Variants in NWD1 observed in about 807,000 individuals in gnomAD.
NWD1 encodes the protein NACHT domain- and WD repeat-containing protein 1.
In NWD1, 129 loss-of-function variants were observed where a neutral mutation model predicts 135.1. The observed-to-expected ratio is 0.96, with a 90% CI of 0.83 to 1.11. The LOEUF (loss-of-function observed/expected upper bound fraction) is 1.11. Among genes scored for constraint, NWD1 ranks in the 50% least tolerant of loss-of-function variants. NWD1 has a pLI of 0.00. For synonymous variants in NWD1, 773 were observed against 786.0 expected (o/e 0.98, Z 0.28); for missense variants, 1,740 against 1,851.3 (o/e 0.94, Z 1.10).
In NWD1 at chr19:16,786,155, G is replaced by A. The variant is rs1179732546; in HGVS notation, c.2732-2827G>A. Among the ~76,000 whole-genome samples the A allele has an allele frequency of 2.6e-5, 4 of 151,554 alleles. No individual in the cohort carries two copies. In the East Asian group the frequency reaches 5.8e-4, roughly 22 times the overall value. On this transcript the variant is annotated intron_variant, in intron 12 of 18. Transcript: ENST00000524140. Reference sequence around the variant, plus strand: ...GTTGGGTTTACAGGCGTGAGCCACTGTGCCAGCCTATTTTTATTATTTTTA... The same window carrying A: ...GTTGGGTTTACAGGCGTGAGCCACTATGCCAGCCTATTTTTATTATTTTTA...
chr19:16,737,701 T>C (rs1328215030), intron 4 of NWD1, among the ~76,000 whole-genome samples: 2 of 151,438 alleles, frequency 1.3e-5, no homozygotes, highest in Non-Finnish European at 2.9e-5. Flanking sequence ...GGGCCGGGCG[T>C]GGTGGCTCAC....
chr19:16,730,578 G>A (rs1967518363), intron 2 of NWD1, among the ~76,000 whole-genome samples: 1 of 152,082 alleles, frequency 6.6e-6, no homozygotes, highest in Non-Finnish European at 1.5e-5. Flanking sequence ...ATATATGGCT[G>A]TGGTGGTGCC....
At chr19:16,751,481 AAAGG>A (rs199892003) in intron 6 of NWD1, among the ~76,000 whole-genome samples, 3,292 of 150,774 alleles carry the variant, frequency 0.022, 107 homozygotes, top group African/African-American at 0.071. Context: ...AAAGAAAGAG[AAAGG>A]AAGGAAGGAA....
intron 4 of NWD1, chr19:16,738,162 G>A: frequency 2.3e-6 from 1 of 437,838 alleles, no homozygotes; most frequent in Admixed American, 2.5e-5. Context: ...GCAGAGTTTA[G>A]TCGTTCTGAC....
chr19:16,797,851 C>G lies in NWD1; in HGVS notation c.3424C>G (p.Leu1142Val), dbSNP rs1024063287. 1.2e-6 allele frequency: 2 copies of G among 1,613,970 alleles called. No individual in the cohort carries two copies. Among genetic ancestry groups the G allele is most frequent in the African/African-American group, 1.3e-5 (1 of 74,916 alleles). Residue 1142 changes from leucine (L) to valine (V), a missense_variant, in exon 16 of 19, where the codon CTG (leucine) becomes GTG (valine). Coordinates refer to ENST00000524140, the MANE Select transcript of NWD1 (RefSeq NM_001007525.5). The part of the protein sequence containing the change: ...ETAVFGTENN[L>V]IITGSLDALI... ...GGCTGTTTTTGGTACTGAGAACAAC[C>G]TGATCATCACGGGGTCCCTTGATGC...
intron 15 of NWD1, among the ~76,000 whole-genome samples, chr19:16,796,886 G>C (rs1292227597): frequency 6.6e-6 from 1 of 152,038 alleles, no homozygotes; most frequent in Non-Finnish European, 1.5e-5. Flanking sequence ...TCCTTAAGAT[G>C]AGTGATTACT....
intron 4 of NWD1, among the ~76,000 whole-genome samples, chr19:16,739,833 C>T (rs1050943730): frequency 1.3e-5 from 2 of 152,156 alleles, no homozygotes; most frequent in Non-Finnish European, 2.9e-5. Flanking sequence ...GAGAGTTGTT[C>T]CTGGTGGGAA....
chr19:16,751,727 G>A (rs1417259934), intron 6 of NWD1, among the ~76,000 whole-genome samples: 4 of 151,386 alleles, frequency 2.6e-5, no homozygotes, highest in African/African-American at 9.7e-5. Flanking sequence ...CTTGAACCCG[G>A]GAGGCAGAGG....
intron 13 of NWD1, 28 bp downstream of exon 13, chr19:16,789,218 G>A (rs1970161537): frequency 1.9e-6 from 3 of 1,562,390 alleles, no homozygotes; most frequent in Non-Finnish European, 2.6e-6. Context: ...TGTTTGTAAA[G>A]GAAAGCTGAG....
chr19:16,786,278 G>T (rs1025352035), intron 12 of NWD1, among the ~76,000 whole-genome samples: 8 of 152,026 alleles, frequency 5.3e-5, no homozygotes, highest in African/African-American at 1.9e-4. Flanking sequence ...AAAGTGCTGG[G>T]ATTACAGGTG....
chr19:16,738,554 C>T (rs796692944), intron 4 of NWD1, among the ~76,000 whole-genome samples: 15 of 124,306 alleles, frequency 1.2e-4, no homozygotes, highest in African/African-American at 3.0e-4. Context: ...GCGCAACAGA[C>T]GGAGACTCTG....
chr19:16,813,165 T>C (rs966355014), intron 18 of NWD1, among the ~76,000 whole-genome samples: 3 of 152,036 alleles, frequency 2.0e-5, no homozygotes, highest in African/African-American at 7.3e-5. Flanking sequence ...TGGGGTGGTA[T>C]GGATGGAGTT....
At chr19:16,780,575 G>A (rs756780862) in intron 12 of NWD1, among the ~76,000 whole-genome samples, 3 of 152,214 alleles carry the variant, frequency 2.0e-5, no homozygotes, top group Non-Finnish European at 4.4e-5. Context: ...GAGCAGTCCA[G>A]TAGGGAAATA....
At chr19:16,785,249 C>T (rs773578230) in intron 12 of NWD1, among the ~76,000 whole-genome samples, 2 of 152,212 alleles carry the variant, frequency 1.3e-5, no homozygotes, top group East Asian at 1.9e-4. Flanking sequence ...CGGTGGCTCA[C>T]GCATGTAATC....
rs1299889862 is a variant in NWD1 at position 16,774,760 on chromosome 19, C to T, written c.2608+1437C>T. 2.6e-5 allele frequency among the ~76,000 whole-genome samples: 4 copies of T among 151,990 alleles called. No individual in the cohort carries two copies. In the South Asian group the frequency reaches 8.3e-4, roughly 32 times the overall value. ...TCCTTCAACCCTTTCTTTCTTCCTT[C>T]CTTCCTCTCTTCTATCCACCCATCA... On this transcript the variant is annotated intron_variant, in intron 11 of 18. Coordinates refer to ENST00000524140, the MANE Select transcript of NWD1 (RefSeq NM_001007525.5).
rs1416645633 is a variant in NWD1 at position 16,763,782 on chromosome 19, T to C, written c.2134-46T>C. 14 of 1,195,170 alleles carry C rather than the reference T, an allele frequency of 1.2e-5. No individual in the cohort carries two copies. In the Admixed American group the frequency reaches 1.7e-4, roughly 14 times the overall value. The allele number at this position is 1,195,170 out of a possible 1,614,324, so 74.0% of individuals were successfully genotyped here. ...TGAATGGGCTTGTGCGTGGAGTGAA[T>C]GAATGGGTTTGTGTCCAAGCTGCAG... On this transcript the variant is annotated intron_variant, in intron 8 of 18. Coordinates refer to ENST00000524140, the MANE Select transcript of NWD1 (RefSeq NM_001007525.5).
At chr19:16,812,985 C>T in intron 18 of NWD1, 1 of 660,430 alleles carries the variant, frequency 1.5e-6, no homozygotes, top group Non-Finnish European at 2.7e-6. Context: ...AAGGTGTCTG[C>T]AGGCAAAGGC....
At chr19:16,786,583 G>C (rs1050303266) in intron 12 of NWD1, among the ~76,000 whole-genome samples, 1 of 151,128 alleles carries the variant, frequency 6.6e-6, no homozygotes, top group Non-Finnish European at 1.5e-5. Flanking sequence ...GTCTCACTCT[G>C]TTGCCCAGGC....
intron 10 of NWD1, among the ~76,000 whole-genome samples, chr19:16,770,045 A>G (rs1969362638): frequency 6.6e-6 from 1 of 152,088 alleles, no homozygotes. Flanking sequence ...TTTCTTTTGC[A>G]TCATCTGTCT....
Sources: allele counts gnomAD v4.1 joint callset (sites outside exome capture counted in the v4.1 genomes callset), GRCh38; gene constraint gnomAD v4.1.1; transcripts MANE v1.5; gene names NCBI Gene and HGNC (gene_info 2026-07-23, HGNC 2026-07-21).